The following OPRD1 variants were observed in gnomAD, a reference collection of about 807,000 sequenced individuals.
The protein encoded by OPRD1 is delta-type opioid receptor.
Under a neutral mutation model 17.5 loss-of-function variants are expected in OPRD1, and 19 were observed. The observed-to-expected ratio is 1.09, with a 90% CI of 0.76 to 1.60. OPRD1 has a LOEUF of 1.60. OPRD1 is among the 40% of genes most tolerant of loss of function. The pLI is 0.00. For missense variants in OPRD1, 483 were observed against 547.2 expected, an observed-to-expected ratio of 0.88 and a Z score of 1.17; for synonymous variants, 256 against 240.9, an observed-to-expected ratio of 1.06 and a Z score of -0.58.
chr1:28,833,266 G>A (rs1464436483), intron 1 of OPRD1, among the ~76,000 whole-genome samples: 3 of 152,226 alleles, frequency 2.0e-5, no homozygotes, highest in Admixed American at 1.3e-4. Context: ...GATGGTGGGT[G>A]TCACTGCCCT....
chr1:28,858,544 CTT>C (rs1168180514), intron 1 of OPRD1, among the ~76,000 whole-genome samples: 21 of 133,462 alleles, frequency 1.6e-4, no homozygotes, highest in Admixed American at 1.5e-4. Context: ...TGCCCCAACC[CTT>C]TTTTTTTTTT....
chr1:28,861,618 T>C (rs2089122548), intron 2 of OPRD1, among the ~76,000 whole-genome samples: 1 of 151,846 alleles, frequency 6.6e-6, no homozygotes, highest in Non-Finnish European at 1.5e-5. Flanking sequence ...CTAATGTTTG[T>C]TTTTTTTGTA....
intron 1 of OPRD1, among the ~76,000 whole-genome samples, chr1:28,841,698 TTTTA>T (rs961905335): frequency 1.3e-5 from 2 of 151,616 alleles, no homozygotes; most frequent in African/African-American, 2.4e-5. Context: ...TTTATTTTTA[TTTTA>T]TTTATTTATT....
chr1:28,862,737 C>A lies in OPRD1; in HGVS notation c.578-5C>A, dbSNP rs1480155663. 1 of 1,588,774 alleles carries A rather than the reference C, an allele frequency of 6.3e-7. No individual in the cohort carries two copies. The highest frequency in any genetic ancestry group is 1.1e-5 in the South Asian group (1 of 87,070). On this transcript the variant is annotated splice_polypyrimidine_tract_variant and splice_region_variant and intron_variant, in intron 2 of 2. Coordinates refer to ENST00000234961, the MANE Select transcript of OPRD1 (RefSeq NM_000911.4). ...CGTCTGTCTTTCCTTGTTTCCGCGG[C>A]CCAGACGGGGCAGTGGTGTGCATGC...
At chr1:28,828,524 C>T (rs929939794) in intron 1 of OPRD1, among the ~76,000 whole-genome samples, 4 of 151,842 alleles carry the variant, frequency 2.6e-5, no homozygotes, top group African/African-American at 9.7e-5. Flanking sequence ...TGCATTAGCC[C>T]CTAATGAGTC....
intron 1 of OPRD1, among the ~76,000 whole-genome samples, chr1:28,853,178 G>A (rs1256096858): frequency 6.6e-6 from 1 of 152,170 alleles, no homozygotes; most frequent in African/African-American, 2.4e-5. Flanking sequence ...CCCTGCTTTG[G>A]GTCACATAGA....
chr1:28,822,942 GA>G (rs1379661394), intron 1 of OPRD1, among the ~76,000 whole-genome samples: 3 of 152,124 alleles, frequency 2.0e-5, no homozygotes, highest in Non-Finnish European at 4.4e-5. Flanking sequence ...TGGCCACACG[GA>G]ATGTCATAAC....
intron 1 of OPRD1, among the ~76,000 whole-genome samples, chr1:28,847,936 C>CA (rs1033388366): frequency 9.2e-5 from 14 of 151,378 alleles, no homozygotes; most frequent in Admixed American, 1.3e-4. Context: ...AAACAAAAAA[C>CA]AAAAAAAACC....
At chr1:28,852,139 C>G (rs1245736954) in intron 1 of OPRD1, among the ~76,000 whole-genome samples, 6 of 142,406 alleles carry the variant, frequency 4.2e-5, no homozygotes, top group Non-Finnish European at 7.5e-5. Flanking sequence ...TGCCCTCCAG[C>G]CTGGGCGACA....
intron 1 of OPRD1, among the ~76,000 whole-genome samples, chr1:28,854,153 G>A (rs1334324908): frequency 6.6e-6 from 1 of 152,164 alleles, no homozygotes; most frequent in Admixed American, 6.5e-5. Context: ...CAGAACATGT[G>A]AGGAACTACA....
At chr1:28,859,689 G>C (rs1308866037) in intron 2 of OPRD1, among the ~76,000 whole-genome samples, 1 of 152,214 alleles carries the variant, frequency 6.6e-6, no homozygotes, top group Non-Finnish European at 1.5e-5. Flanking sequence ...TGTCCAGTGA[G>C]GTGAGGGTGT....
chr1:28,837,272 C>A (rs1440460231), intron 1 of OPRD1, among the ~76,000 whole-genome samples: 1 of 151,588 alleles, frequency 6.6e-6, no homozygotes, highest in African/African-American at 2.4e-5. Flanking sequence ...GGTGGTAATG[C>A]GAGCAATGGG....
intron 1 of OPRD1, among the ~76,000 whole-genome samples, chr1:28,832,158 G>A (rs920837417): frequency 1.3e-5 from 2 of 152,248 alleles, no homozygotes; most frequent in African/African-American, 2.4e-5. Flanking sequence ...TTTCCACTGT[G>A]GAAAAATGAC....
intron 1 of OPRD1, among the ~76,000 whole-genome samples, chr1:28,849,409 G>A (rs2088979841): frequency 6.6e-6 from 1 of 152,136 alleles, no homozygotes; most frequent in Non-Finnish European, 1.5e-5. Flanking sequence ...ATATTTACAT[G>A]TGCCTCAGTG....
chr1:28,855,454 C>T (rs1393580120), intron 1 of OPRD1, among the ~76,000 whole-genome samples: 1 of 151,552 alleles, frequency 6.6e-6, no homozygotes, highest in Non-Finnish European at 1.5e-5. Context: ...TTTGGGAAGT[C>T]GCTGGGGGAC....
intron 2 of OPRD1, among the ~76,000 whole-genome samples, chr1:28,860,362 T>TA (rs1553151572): frequency 0.042 from 2,077 of 49,420 alleles, 47 homozygotes; most frequent in African/African-American, 0.068. Flanking sequence ...GGGACTTGTC[T>TA]AAAAAAAAAA....
intron 1 of OPRD1, among the ~76,000 whole-genome samples, chr1:28,823,854 C>T (rs1399075892): frequency 1.3e-5 from 2 of 150,604 alleles, no homozygotes; most frequent in Non-Finnish European, 3.0e-5. Flanking sequence ...GTAGAAAGAA[C>T]TCAAACTTCA....
chr1:28,843,413 C>T (rs1180665467), intron 1 of OPRD1, among the ~76,000 whole-genome samples: 2 of 152,152 alleles, frequency 1.3e-5, no homozygotes, highest in Non-Finnish European at 2.9e-5. Flanking sequence ...AACTGAATCT[C>T]CATACCATTT....
At chr1:28,816,714 G>A (rs1016426425) in intron 1 of OPRD1, among the ~76,000 whole-genome samples, 10 of 152,102 alleles carry the variant, frequency 6.6e-5, no homozygotes, top group African/African-American at 2.4e-4. Flanking sequence ...TGGCCAGCAC[G>A]ATGACTCGTG....
Sources: allele counts gnomAD v4.1 joint callset (sites outside exome capture counted in the v4.1 genomes callset), GRCh38; gene constraint gnomAD v4.1.1; transcripts MANE v1.5; gene names NCBI Gene and HGNC (gene_info 2026-07-23, HGNC 2026-07-21).